Variants in NSMCE2 observed in about 807,000 individuals in gnomAD.
NSMCE2 encodes E3 SUMO-protein ligase NSE2.
A neutral mutation model predicts 23.8 loss-of-function variants in NSMCE2; 24 were observed. That is an observed-to-expected ratio of 1.01 (90% CI 0.73 to 1.42). The LOEUF (loss-of-function observed/expected upper bound fraction) is 1.42, where lower values mean the gene tolerates loss of function less well. Ranked by LOEUF, NSMCE2 falls within the 40% of genes most tolerant of loss-of-function variation. The pLI, the probability that NSMCE2 is intolerant of heterozygous loss-of-function variation, is 0.00. For synonymous variants in NSMCE2, 92 were observed against 94.1 expected (o/e 0.98, Z 0.13); for missense variants, 284 against 296.5 (o/e 0.96, Z 0.31).
At chr8:125,216,838 A>G (rs867597973) in intron 5 of NSMCE2, among the ~76,000 whole-genome samples, 1 of 152,174 alleles carries the variant, frequency 6.6e-6, no homozygotes, top group African/African-American at 2.4e-5. Flanking sequence ...TCGGGTAAAG[A>G]CGAGTTAGTG....
intron 5 of NSMCE2, among the ~76,000 whole-genome samples, chr8:125,280,401 G>A (rs1359400067): frequency 6.6e-6 from 1 of 152,150 alleles, no homozygotes; most frequent in Admixed American, 6.5e-5. Context: ...TACCTAAAAT[G>A]TTCTATGGTT....
chr8:125,334,272 T>C (rs1318262059), intron 5 of NSMCE2, among the ~76,000 whole-genome samples: 1 of 152,206 alleles, frequency 6.6e-6, no homozygotes, highest in Non-Finnish European at 1.5e-5. Flanking sequence ...TTGATCATTG[T>C]CATCTAAATG....
At chr8:125,267,003 CT>C (rs35990794) in intron 5 of NSMCE2, among the ~76,000 whole-genome samples, 63 of 111,980 alleles carry the variant, frequency 5.6e-4, no homozygotes, top group Middle Eastern at 0.012. Context: ...TTTTTTCTTT[CT>C]TTTTTTTTTT....
intron 5 of NSMCE2, among the ~76,000 whole-genome samples, chr8:125,239,186 T>C (rs1183869562): frequency 2.0e-5 from 3 of 152,156 alleles, no homozygotes; most frequent in Non-Finnish European, 4.4e-5. Context: ...TTTATGGTAA[T>C]GGAAGTTAGG....
At chr8:125,324,817 G>A (rs1829595356) in intron 5 of NSMCE2, among the ~76,000 whole-genome samples, 1 of 111,758 alleles carries the variant, frequency 8.9e-6, no homozygotes. Flanking sequence ...CTCGTGATCC[G>A]CCCGCCTCGG....
At chr8:125,269,385 C>T (rs564031552) in intron 5 of NSMCE2, among the ~76,000 whole-genome samples, 7 of 152,152 alleles carry the variant, frequency 4.6e-5, no homozygotes, top group Middle Eastern at 3.2e-3. Flanking sequence ...TGCACCCAGC[C>T]GACTCTTTAA....
chr8:125,344,446 G>A (rs908151721), intron 5 of NSMCE2, among the ~76,000 whole-genome samples: 5 of 152,068 alleles, frequency 3.3e-5, no homozygotes, highest in Admixed American at 3.3e-4. Context: ...ATATACCATT[G>A]TTTAAGATGA....
At position 125,102,448 on chromosome 8, in the gene NSMCE2, A is replaced by G. The variant is rs374996419; in HGVS notation, c.118A>G (p.Thr40Ala). 1.1e-5 allele frequency: 17 copies of G among 1,613,776 alleles called. No individual in the cohort carries two copies. Among genetic ancestry groups the G allele is most frequent in the African/African-American group, 2.7e-5 (2 of 74,908 alleles). ...AGCCTGTATCAACTCTGGTATGGACACAGCTTCTAGTGTTGCTTTGGATCT... is the reference window on the plus strand; with the variant it reads ...AGCCTGTATCAACTCTGGTATGGACGCAGCTTCTAGTGTTGCTTTGGATCT... ...FQACINSGMD[T>A]ASSVALDLVE... The change falls in exon 3 of 8, where the codon ACA becomes GCA. Residue 40 changes from threonine (T) to alanine (A), a missense_variant. Thr to Ala is a moderately conservative substitution (Grantham distance 58, BLOSUM62 0). Transcript: ENST00000287437.
intron 5 of NSMCE2, among the ~76,000 whole-genome samples, chr8:125,304,084 A>G (rs1028522016): frequency 2.6e-5 from 4 of 152,214 alleles, no homozygotes; most frequent in African/African-American, 9.7e-5. Flanking sequence ...GTACTGACAT[A>G]TATACAGGAT....
chr8:125,360,329 G>A (rs184049645), intron 7 of NSMCE2, among the ~76,000 whole-genome samples: 4 of 152,118 alleles, frequency 2.6e-5, no homozygotes. Context: ...CAGTATAGAC[G>A]AGTCAACCCG....
chr8:125,361,372 T>A (rs1391348076), intron 7 of NSMCE2, among the ~76,000 whole-genome samples: 1 of 151,462 alleles, frequency 6.6e-6, no homozygotes, highest in Non-Finnish European at 1.5e-5. Flanking sequence ...CTGACCACAG[T>A]CACTTTTTTG....
At chr8:125,272,632 T>TGGGAGCTAGGCCAGGGTTGA (rs1554629559) in intron 5 of NSMCE2, among the ~76,000 whole-genome samples, 2 of 148,094 alleles carry the variant, frequency 1.4e-5, no homozygotes. Flanking sequence ...CTTAACACTT[T>TGGGAGCTAGGCCAGGGTTGA]ATACTGCCAC....
Position 125,313,016 on chromosome 8 carries a change from G to A in NSMCE2, c.419-44203G>A, listed in dbSNP as rs577743062. On this transcript the variant is annotated intron_variant, in intron 5 of 7. Coordinates refer to ENST00000287437, the MANE Select transcript of NSMCE2 (RefSeq NM_173685.4). Reference sequence around the variant, plus strand: ...GAGACAGTGAGTAGAGGATGGGTCAGTAGGTGTGCAGCAAACCACCATGGC... The same window carrying A: ...GAGACAGTGAGTAGAGGATGGGTCAATAGGTGTGCAGCAAACCACCATGGC... Among the ~76,000 whole-genome samples, 4 of 151,850 alleles carry A rather than the reference G, an allele frequency of 2.6e-5. No homozygotes were observed. The South Asian group carries it at 8.3e-4, about 32-fold the overall frequency.
intron 3 of NSMCE2, among the ~76,000 whole-genome samples, chr8:125,129,903 C>A (rs1407837977): frequency 6.6e-6 from 1 of 152,080 alleles, no homozygotes; most frequent in Non-Finnish European, 1.5e-5. Flanking sequence ...TTAAGAAGAT[C>A]TTATACTACC....
chr8:125,092,966 T>C (rs915656152), intron 1 of NSMCE2, among the ~76,000 whole-genome samples: 1 of 152,232 alleles, frequency 6.6e-6, no homozygotes, highest in African/African-American at 2.4e-5. Flanking sequence ...GCCCGCTAGA[T>C]GCCAACCACA....
At chr8:125,221,520 A>G (rs775577391) in intron 5 of NSMCE2, among the ~76,000 whole-genome samples, 6 of 152,258 alleles carry the variant, frequency 3.9e-5, no homozygotes, top group Non-Finnish European at 7.3e-5. Context: ...CTGGGATTAC[A>G]GGCATGAGCC....
intron 5 of NSMCE2, among the ~76,000 whole-genome samples, chr8:125,333,505 C>CTTTTTTTTTTTTTTTTTTTTT (rs71295847): frequency 2.2e-5 from 1 of 45,628 alleles, no homozygotes; most frequent in African/African-American, 9.4e-5. Flanking sequence ...CCTGGTGGTT[C>CTTTTTTTTTTTTTTTTTTTTT]TTTTTTTTTT....
At chr8:125,144,453 A>G (rs1168772560) in intron 3 of NSMCE2, among the ~76,000 whole-genome samples, 1 of 152,300 alleles carries the variant, frequency 6.6e-6, no homozygotes, top group East Asian at 1.9e-4. Context: ...ATGGCATTAT[A>G]CTGAACAAAT....
chr8:125,139,293 C>T (rs1361408357), intron 3 of NSMCE2, among the ~76,000 whole-genome samples: 10 of 152,220 alleles, frequency 6.6e-5, no homozygotes, highest in African/African-American at 2.2e-4. Context: ...ACATGGTCTG[C>T]TCAGTAAATA....
Sources: gnomAD v4.1 joint callset for allele counts (sites outside exome capture counted in the v4.1 genomes callset) on GRCh38, gnomAD v4.1.1 for gene constraint, MANE v1.5 for transcripts, NCBI Gene and HGNC (gene_info 2026-07-23, HGNC 2026-07-21) for gene names.